ICA1: variants seen among roughly 807,000 people sequenced by gnomAD.
ICA1 encodes 69 kDa islet cell autoantigen.
Under a neutral mutation model 71.0 loss-of-function variants are expected in ICA1, and 40 were observed. That is an observed-to-expected ratio of 0.56 (90% confidence interval 0.44 to 0.73). The LOEUF is 0.73. Ranked by LOEUF, ICA1 falls within the 30% of genes least tolerant of loss-of-function variation. The pLI, the probability that ICA1 is intolerant of heterozygous loss-of-function variation, is 0.00. For missense variants in ICA1, 578 were observed against 576.5 expected (o/e 1.00, Z -0.03); for synonymous variants, 207 against 209.5 (o/e 0.99, Z 0.10).
intron 13 of ICA1, among the ~76,000 whole-genome samples, chr7:8,119,530 C>G (rs1187398078): frequency 6.6e-6 from 1 of 152,184 alleles, no homozygotes; most frequent in Non-Finnish European, 1.5e-5. Context: ...AGTGAAACAT[C>G]TGTGTATCAA....
At chr7:8,126,776 C>T (rs1372192418) in intron 13 of ICA1, among the ~76,000 whole-genome samples, 1 of 152,138 alleles carries the variant, frequency 6.6e-6, no homozygotes, top group African/African-American at 2.4e-5. Context: ...ATTAAAGTCA[C>T]ATGAAAGAAG....
chr7:8,231,690 G>A (rs982956556), intron 3 of ICA1, among the ~76,000 whole-genome samples: 4 of 152,154 alleles, frequency 2.6e-5, no homozygotes, highest in Non-Finnish European at 4.4e-5. Flanking sequence ...CAGTTCTCAC[G>A]GGGCAGCCTT....
chr7:8,145,522 C>T (rs572663124), intron 8 of ICA1, among the ~76,000 whole-genome samples: 25 of 152,226 alleles, frequency 1.6e-4, no homozygotes, highest in Admixed American at 1.2e-3. Context: ...GAAAGTCTTT[C>T]CATATCCAAA....
intron 6 of ICA1, among the ~76,000 whole-genome samples, chr7:8,199,094 C>T (rs984892045): frequency 1.3e-5 from 2 of 152,140 alleles, no homozygotes; most frequent in African/African-American, 4.8e-5. Context: ...CAGGCAATAA[C>T]AAATTCTGGC....
In ICA1 at chr7:8,142,128, T is replaced by C. The variant is rs1795460439; in HGVS notation, c.903-311A>G. 6.0e-6 allele frequency: 4 copies of C among 662,892 alleles called. No homozygotes were observed. In the South Asian group the frequency reaches 6.9e-5, roughly 11 times the overall value. 41.1% of individuals were successfully genotyped at this position (662,892 alleles called of 1,614,324 possible). ...CCTTAAAAATAGTAAAAATTGATAG[T>C]TAAAAAAACTGTAAAAATATCAATC... On this transcript the variant is annotated intron_variant, in intron 9 of 13. Transcript: ENST00000402384.
At chr7:8,145,158 A>C (rs1046121737) in intron 8 of ICA1, among the ~76,000 whole-genome samples, 1 of 152,180 alleles carries the variant, frequency 6.6e-6, no homozygotes, top group African/African-American at 2.4e-5. Context: ...TCTTTTCAAG[A>C]ATCTTATTTC....
intron 6 of ICA1, among the ~76,000 whole-genome samples, chr7:8,189,313 T>C (rs991085557): frequency 1.3e-5 from 2 of 152,232 alleles, no homozygotes; most frequent in Admixed American, 1.3e-4. Flanking sequence ...AGGAGGCTTA[T>C]AACTCATTTA....
chr7:8,157,321 A>T (rs972293898), intron 7 of ICA1, 107 bp from the exon 8 acceptor site: 84 of 1,058,448 alleles, frequency 7.9e-5, no homozygotes, highest in Non-Finnish European at 1.0e-4. Context: ...TTAAAGCATG[A>T]TTCTAACTCA....
chr7:8,116,884 A>T (rs1784958322), intron 13 of ICA1, among the ~76,000 whole-genome samples: 1 of 152,208 alleles, frequency 6.6e-6, no homozygotes, highest in Non-Finnish European at 1.5e-5. Flanking sequence ...CGTTAACTTT[A>T]TGCCCCCCAT....
chr7:8,239,122 T>A (rs1028831194), intron 1 of ICA1, among the ~76,000 whole-genome samples: 2 of 152,222 alleles, frequency 1.3e-5, no homozygotes, highest in Admixed American at 6.5e-5. Flanking sequence ...GAACGCCTCA[T>A]GAGAAGGCAG....
chr7:8,182,308 A>G (rs1474543397), intron 6 of ICA1, among the ~76,000 whole-genome samples: 1 of 152,200 alleles, frequency 6.6e-6, no homozygotes, highest in Non-Finnish European at 1.5e-5. Flanking sequence ...CAATTGCTTG[A>G]TTAATGTCTG....
intron 6 of ICA1, among the ~76,000 whole-genome samples, chr7:8,194,203 CAT>C (rs1786629820): frequency 6.6e-6 from 1 of 152,150 alleles, no homozygotes; most frequent in South Asian, 2.1e-4. Context: ...CACATATACA[CAT>C]GTGTGTGAAC....
At chr7:8,210,649 G>GA (rs5882157) in intron 6 of ICA1, among the ~76,000 whole-genome samples, 148,162 of 150,418 alleles carry the variant, frequency 0.99, 72,977 homozygotes, top group Middle Eastern at 1. Flanking sequence ...CCACAGAGGG[G>GA]AAAAAAAAAT....
At chr7:8,243,172 A>G (rs1470650769) in intron 1 of ICA1, among the ~76,000 whole-genome samples, 2 of 152,348 alleles carry the variant, frequency 1.3e-5, no homozygotes, top group African/African-American at 4.8e-5. Context: ...CCTCAATAAA[A>G]TACTGGCAAA....
intron 12 of ICA1, among the ~76,000 whole-genome samples, chr7:8,136,673 C>G (rs1793534772): frequency 6.6e-6 from 1 of 152,200 alleles, no homozygotes; most frequent in Non-Finnish European, 1.5e-5. Flanking sequence ...GTGACATTGA[C>G]TTTAACTGAG....
chr7:8,195,982 C>CAACAAT (rs1002181844), intron 6 of ICA1, among the ~76,000 whole-genome samples: 5 of 110,782 alleles, frequency 4.5e-5, no homozygotes, highest in African/African-American at 1.2e-4. Flanking sequence ...CGTCTCACAA[C>CAACAAT]AACAACAACA....
chr7:8,218,581 G>A (rs1453932485), intron 5 of ICA1, 78 bp from the exon 6 acceptor site: 1 of 1,159,402 alleles, frequency 8.6e-7, no homozygotes, highest in Non-Finnish European at 1.3e-6. Flanking sequence ...GCCAATCTTA[G>A]ACTCGTGAGT....
chr7:8,201,124 A>G (rs1184798224), intron 6 of ICA1, among the ~76,000 whole-genome samples: 5 of 152,194 alleles, frequency 3.3e-5, no homozygotes, highest in African/African-American at 1.2e-4. Flanking sequence ...TTGCATGTCT[A>G]TGTGCCTGAC....
intron 10 of ICA1, among the ~76,000 whole-genome samples, chr7:8,140,823 G>A (rs1794965042): frequency 6.6e-6 from 1 of 152,220 alleles, no homozygotes; most frequent in African/African-American, 2.4e-5. Context: ...GCAAATAGGA[G>A]GAGAAGCAAG....
Sources: allele counts gnomAD v4.1 joint callset (sites outside exome capture counted in the v4.1 genomes callset), GRCh38; gene constraint gnomAD v4.1.1; transcripts MANE v1.5; gene names NCBI Gene and HGNC (gene_info 2026-07-23, HGNC 2026-07-21).